The following ST3GAL4 variants were observed in gnomAD, a reference collection of about 807,000 sequenced individuals.
The protein encoded by ST3GAL4 is ST3 beta-galactoside alpha-2,3-sialyltransferase 4, also known as CMP-N-acetylneuraminate-beta-galactosamide-alpha-2,3-sialyltransferase 4.
Under a neutral mutation model 42.6 loss-of-function variants are expected in ST3GAL4, and 24 were observed. That is an observed-to-expected ratio of 0.56 (90% CI 0.41 to 0.79). ST3GAL4 has a LOEUF of 0.79. Ranked by LOEUF, ST3GAL4 falls within the 30% of genes least tolerant of loss-of-function variation. The probability of loss-of-function intolerance (pLI) is 0.00; values close to 1 mark genes in which losing one functional copy is unlikely to be tolerated. For synonymous variants in ST3GAL4, 135 were observed against 163.2 expected (o/e 0.83, Z 1.32); for missense variants, 311 against 430.8 (o/e 0.72, Z 2.46).
At position 126,398,424 on chromosome 11, in the gene ST3GAL4, C is replaced by T. The variant is rs1591474926; in HGVS notation, c.-60-7672C>T. ...GGACTTGGGCCCCCAAGGCCTCCGG[C>T]AGCCCTGCTTCCCTGGCCTTGCTGG... On this transcript the variant is annotated intron_variant, in intron 1 of 10. Transcript: ENST00000444328. This position sits in a 1 kb window ranked among gnomAD's most constrained non-coding sequence, Gnocchi z 4.7. Among the ~76,000 whole-genome samples, 1 of 152,242 alleles carries T rather than the reference C, an allele frequency of 6.6e-6. No individual in the cohort carries two copies. Among genetic ancestry groups the T allele is most frequent in the African/African-American group, 2.4e-5 (1 of 41,466 alleles).
At chr11:126,356,996 C>T (rs914731499) in intron 1 of ST3GAL4, among the ~76,000 whole-genome samples, 2 of 152,340 alleles carry the variant, frequency 1.3e-5, no homozygotes, top group South Asian at 4.1e-4. Context: ...TTGAAAGGCG[C>T]CTGCACGGAG....
In ST3GAL4 at chr11:126,400,547, T is replaced by TG. The variant is rs1224338288; in HGVS notation, c.-60-5548dup. On this transcript the variant is annotated intron_variant, in intron 1 of 10. Transcript: ENST00000444328. This position sits in a 1 kb window ranked among gnomAD's most constrained non-coding sequence, Gnocchi z 4.6. ...GTGTGCTTGGGAGGAGGGTAAGAGA[T>TG]GCGTTTGCAGTTCTCATGGCCGCAG... 6.6e-6 allele frequency among the ~76,000 whole-genome samples: 1 copy of TG among 152,152 alleles called. No individual in the cohort carries two copies. The highest frequency in any genetic ancestry group is 1.5e-5 in the Non-Finnish European group (1 of 68,024).
At chr11:126,362,418 C>G (rs952479342) in intron 1 of ST3GAL4, among the ~76,000 whole-genome samples, 14 of 152,068 alleles carry the variant, frequency 9.2e-5, no homozygotes, top group Admixed American at 7.9e-4. Flanking sequence ...CCAAGCTGGT[C>G]TCGAACTCCT....
At position 126,379,984 on chromosome 11, in the gene ST3GAL4, G is replaced by T. The variant is rs567537315; in HGVS notation, c.-61+24142G>T. 9.2e-5 allele frequency among the ~76,000 whole-genome samples: 14 copies of T among 152,188 alleles called. No individual in the cohort carries two copies. Among genetic ancestry groups the T allele is most frequent in the Non-Finnish European group, 1.8e-4 (12 of 68,012 alleles). ...TTTTACAAAAGAGCTAGTCTCGGCC[G>T]GGCACAGTGACTTGCGCCTGTAATG... is the stretch of plus-strand genomic sequence containing the variant. On this transcript the variant is annotated intron_variant, in intron 1 of 10. Coordinates refer to ENST00000444328, the MANE Select transcript of ST3GAL4 (RefSeq NM_001254757.2). This position sits in a 1 kb window ranked among gnomAD's most constrained non-coding sequence, Gnocchi z 4.2.
rs1444889500 is a variant in ST3GAL4, at chr11:126,383,873, G to A, written c.-60-22223G>A. On this transcript the variant is annotated intron_variant, in intron 1 of 10. Transcript: ENST00000444328. The surrounding 1 kb of genome is among the most constrained non-coding windows in gnomAD (Gnocchi z 4.5). ...CCCTCATGGCCCACCTTTACTCTGA[G>A]GGGGTGGGCTTCCTGCGGGGGACAA... Among the ~76,000 whole-genome samples the A allele has an allele frequency of 6.6e-6, 1 of 152,190 alleles. No homozygotes were observed. Among genetic ancestry groups the A allele is most frequent in the Non-Finnish European group, 1.5e-5 (1 of 68,026 alleles).
rs2135506485 is a variant in ST3GAL4 at position 126,397,122 on chromosome 11, GT to G, written c.-60-8973del. 6.6e-6 allele frequency among the ~76,000 whole-genome samples: 1 copy of G among 152,182 alleles called. No homozygotes were observed. The highest frequency in any genetic ancestry group is 2.4e-5 in the African/African-American group (1 of 41,464). On this transcript the variant is annotated intron_variant, in intron 1 of 10. Coordinates refer to ENST00000444328, the MANE Select transcript of ST3GAL4 (RefSeq NM_001254757.2). This position sits in a 1 kb window ranked among gnomAD's most constrained non-coding sequence, Gnocchi z 5.0. The stretch of plus-strand genomic sequence containing the variant: ...GAGATCCTGGTTTCGCGTTTTGAGC[GT>G]GCAGTACATTTCAGTTGTTAGTGGA...
Position 126,373,235 on chromosome 11 carries a change from G to A in ST3GAL4, c.-61+17393G>A, listed in dbSNP as rs11220461. On this transcript the variant is annotated intron_variant, in intron 1 of 10. Transcript: ENST00000444328. The surrounding 1 kb of genome is among the most constrained non-coding windows in gnomAD (Gnocchi z 5.5). Reference sequence around the variant, plus strand: ...GGAACTTGGGTGCTGATTCTAGGAGGTACTGCATCTAGAAAGATGGGAGGT... The same window carrying A: ...GGAACTTGGGTGCTGATTCTAGGAGATACTGCATCTAGAAAGATGGGAGGT... 0.022 allele frequency among the ~76,000 whole-genome samples: 3,379 copies of A among 152,260 alleles called. 53 individuals carry two copies. The highest frequency in any genetic ancestry group is 0.036 in the Non-Finnish European group (2,419 of 68,002).
Position 126,406,057 on chromosome 11 carries a change from T to G in ST3GAL4, c.-60-39T>G. The G allele has an allele frequency of 6.4e-7, 1 of 1,550,672 alleles. No individual in the cohort carries two copies. Among genetic ancestry groups the G allele is most frequent in the Non-Finnish European group, 8.7e-7 (1 of 1,146,542 alleles). On this transcript the variant is annotated intron_variant, in intron 1 of 10. Transcript: ENST00000444328. This position sits in a 1 kb window ranked among gnomAD's most constrained non-coding sequence, Gnocchi z 5.4. ...GCTCCAGTGTCTAGGCAGGAGAGTT[T>G]GTGAAGCTGACCGGACACCTGTGGC...
Position 126,409,150 on chromosome 11 carries a change from C to T in ST3GAL4, c.628-118C>T. On this transcript the variant is annotated intron_variant, in intron 8 of 10. Transcript: ENST00000444328. This position sits in a 1 kb window ranked among gnomAD's most constrained non-coding sequence, Gnocchi z 4.9. ...CACCTCCCTTTCCTCTCACCTTGTG[C>T]TCCTGAAGGCCTCTGCCATCGCTTG... 7.8e-7 allele frequency: 1 copy of T among 1,275,720 alleles called. No individual in the cohort carries two copies. Among genetic ancestry groups the T allele is most frequent in the Non-Finnish European group, 1.1e-6 (1 of 904,584 alleles). 79.0% of individuals were successfully genotyped at this position (1,275,720 alleles called of 1,614,324 possible).
intron 1 of ST3GAL4, among the ~76,000 whole-genome samples, chr11:126,361,365 A>T (rs1591409975): frequency 7.3e-6 from 1 of 137,284 alleles, no homozygotes; most frequent in East Asian, 2.1e-4. Flanking sequence ...CTTGGCTTTA[A>T]TTTTTTTTTT....
Position 126,406,209 on chromosome 11 carries a change from A to G in ST3GAL4, c.16+38A>G, listed in dbSNP as rs1250954395. On this transcript the variant is annotated intron_variant, in intron 2 of 10. Coordinates refer to ENST00000444328, the MANE Select transcript of ST3GAL4 (RefSeq NM_001254757.2). The surrounding 1 kb of genome is among the most constrained non-coding windows in gnomAD (Gnocchi z 5.4). Reference sequence around the variant, plus strand: ...CGAGGGCTCCCCCACCCTGGAGGACAGGCCTCAGAAGCCGTCTTCAGCAGG... The same window carrying G: ...CGAGGGCTCCCCCACCCTGGAGGACGGGCCTCAGAAGCCGTCTTCAGCAGG... 6.4e-7 allele frequency: 1 copy of G among 1,555,348 alleles called. No individual in the cohort carries two copies. The highest frequency in any genetic ancestry group is 1.9e-5 in the Admixed American group (1 of 51,666).
rs758653927 is a variant in ST3GAL4 at position 126,408,168 on chromosome 11, C to T, written c.411C>T (p.Ala137=). The T allele has an allele frequency of 1.9e-6, 3 of 1,614,152 alleles. No homozygotes were observed. The highest frequency in any genetic ancestry group is 1.7e-6 in the Non-Finnish European group (2 of 1,180,030). Reference sequence around the variant, plus strand: ...TGCGGAACAGCTCACTGGGAGATGCCATCAACAAGTACGATGTGGTCATCA... The same window carrying T: ...TGCGGAACAGCTCACTGGGAGATGCTATCAACAAGTACGATGTGGTCATCA... ...HRLRNSSLGD[A]INKYDVVIRL... The change falls in exon 7 of 11, where the codon GCC becomes GCT. Residue 137 remains alanine (A), a synonymous_variant. Coordinates refer to ENST00000444328, the MANE Select transcript of ST3GAL4 (RefSeq NM_001254757.2).
chr11:126,413,380 C>T lies in ST3GAL4; in HGVS notation c.772-125C>T, dbSNP rs1397068708. The T allele has an allele frequency of 4.8e-6, 6 of 1,263,052 alleles. No homozygotes were observed. In the South Asian group the frequency reaches 7.9e-5, roughly 17 times the overall value. The allele number at this position is 1,263,052 out of a possible 1,614,324, so 78.2% of individuals were successfully genotyped here. A position where few individuals can be genotyped will look rare whatever the true frequency, so the allele number is the denominator to read the frequency against. ...GCGTGCTCGTTAGCTCGTGGCTTGT[C>T]TTGTTGGACAGCGCAGATGGAGAAC... On this transcript the variant is annotated intron_variant, in intron 9 of 10. Transcript: ENST00000444328.
chr11:126,392,452 A>C lies in ST3GAL4; in HGVS notation c.-60-13644A>C. 1.1e-6 allele frequency: 1 copy of C among 876,884 alleles called. No individual in the cohort carries two copies. Among genetic ancestry groups the C allele is most frequent in the African/African-American group, 1.8e-5 (1 of 55,082 alleles). 54.3% of individuals were successfully genotyped at this position (876,884 alleles called of 1,614,324 possible). A position where few individuals can be genotyped will look rare whatever the true frequency, so the allele number is the denominator to read the frequency against. ...AGCAGGTCCTTGTGAGCTCATCGAC[A>C]TGCATTTGGCAGAAAGTGCGCTGGC... On this transcript the variant is annotated intron_variant, in intron 1 of 10. Coordinates refer to ENST00000444328, the MANE Select transcript of ST3GAL4 (RefSeq NM_001254757.2). The surrounding 1 kb of genome is among the most constrained non-coding windows in gnomAD (Gnocchi z 5.8).
chr11:126,405,584 C>G (rs1425977568), intron 1 of ST3GAL4: 1 of 172,208 alleles, frequency 5.8e-6, no homozygotes, highest in African/African-American at 2.4e-5. Flanking sequence ...CCTGAGCAAA[C>G]CTGTTTGGCT....
intron 1 of ST3GAL4, among the ~76,000 whole-genome samples, chr11:126,390,408 C>T (rs928207615): frequency 6.6e-6 from 1 of 150,752 alleles, no homozygotes; most frequent in Non-Finnish European, 1.5e-5. Flanking sequence ...AATGGAATTA[C>T]CAGATTGTAA....
At chr11:126,389,302 A>C (rs1953377580) in intron 1 of ST3GAL4, among the ~76,000 whole-genome samples, 1 of 152,212 alleles carries the variant, frequency 6.6e-6, no homozygotes, top group African/African-American at 2.4e-5. Flanking sequence ...AGGTTGAACA[A>C]ATGGGAATAT....
chr11:126,414,115 G>A lies in ST3GAL4; in HGVS notation c.*68G>A. 2 of 1,525,482 alleles carry A rather than the reference G, an allele frequency of 1.3e-6. No individual in the cohort carries two copies. Among genetic ancestry groups the A allele is most frequent in the Non-Finnish European group, 1.8e-6 (2 of 1,099,878 alleles). 94.5% of individuals were successfully genotyped at this position (1,525,482 alleles called of 1,614,324 possible). ...CTGGGTGACCCCCATGCGTGGCTGT[G>A]GGGGTGGCTGGTGCCAGTATGACCC... On this transcript the variant is annotated 3_prime_UTR_variant, in exon 11 of 11. Transcript: ENST00000444328.
chr11:126,358,592 C>A, intron 1 of ST3GAL4: 1 of 346,176 alleles, frequency 2.9e-6, no homozygotes, highest in Middle Eastern at 7.0e-4. Context: ...CGTGCGATGC[C>A]CAGGCCCTAG....
Sources: allele counts gnomAD v4.1 joint callset (sites outside exome capture counted in the v4.1 genomes callset), GRCh38; gene constraint gnomAD v4.1.1; non-coding constraint Gnocchi (gnomAD v3.1); transcripts MANE v1.5; gene names NCBI Gene and HGNC (gene_info 2026-07-23, HGNC 2026-07-21).